PCDH9: variants seen among roughly 807,000 people sequenced by gnomAD.
PCDH9 encodes protocadherin 9.
PCDH9 carries 24 observed loss-of-function variants against 70.6 expected under a neutral mutation model. The observed-to-expected ratio is 0.34, with a 90% confidence interval of 0.25 to 0.48. The LOEUF (loss-of-function observed/expected upper bound fraction) is 0.48. Ranked by LOEUF, PCDH9 falls within the 20% of genes least tolerant of loss-of-function variation. The pLI is 0.99. For synonymous variants in PCDH9, 562 were observed against 558.5 expected, an observed-to-expected ratio of 1.01 and a Z score of -0.09; for missense variants, 1,281 against 1,503.6, an observed-to-expected ratio of 0.85 and a Z score of 2.45.
chr13:66,893,639 T>A (rs1240519709), intron 3 of PCDH9, among the ~76,000 whole-genome samples: 2 of 152,166 alleles, frequency 1.3e-5, no homozygotes, highest in Non-Finnish European at 2.9e-5. Context: ...TGACTTACAA[T>A]AATCAACCTA....
intron 2 of PCDH9, among the ~76,000 whole-genome samples, chr13:66,950,484 T>C (rs550393817): frequency 1.3e-5 from 2 of 151,888 alleles, no homozygotes; most frequent in Non-Finnish European, 1.5e-5. Flanking sequence ...ATAAAAGATA[T>C]ATGTGTATGA....
chr13:67,106,608 G>C (rs1247942628), intron 2 of PCDH9, among the ~76,000 whole-genome samples: 2 of 152,206 alleles, frequency 1.3e-5, no homozygotes, highest in Admixed American at 6.5e-5. Context: ...AGGAGGTGAG[G>C]CCAGGGCTTT....
intron 4 of PCDH9, among the ~76,000 whole-genome samples, chr13:66,600,894 G>T (rs1490109880): frequency 6.9e-6 from 1 of 143,898 alleles, no homozygotes; most frequent in East Asian, 1.9e-4. Context: ...ACTCTAATTT[G>T]CTTGAGAACA....
chr13:66,311,789 G>A (rs1404820660), intron 4 of PCDH9, among the ~76,000 whole-genome samples: 1 of 152,078 alleles, frequency 6.6e-6, no homozygotes, highest in Non-Finnish European at 1.5e-5. Flanking sequence ...ATAAATAGAT[G>A]TTTAGTTATT....
intron 2 of PCDH9, among the ~76,000 whole-genome samples, chr13:67,113,692 C>T (rs1327396721): frequency 1.3e-5 from 2 of 152,150 alleles, no homozygotes; most frequent in African/African-American, 2.4e-5. Context: ...GGACTACAGG[C>T]GCCCGCCATC....
intron 3 of PCDH9, among the ~76,000 whole-genome samples, chr13:66,682,265 A>G (rs1233241049): frequency 2.0e-5 from 3 of 152,010 alleles, no homozygotes; most frequent in African/African-American, 7.2e-5. Context: ...CATCGCCATT[A>G]TAACACATAA....
intron 4 of PCDH9, among the ~76,000 whole-genome samples, chr13:66,458,734 G>A (rs1248002070): frequency 1.3e-5 from 2 of 152,030 alleles, no homozygotes; most frequent in African/African-American, 4.8e-5. Context: ...CATTCGAAGA[G>A]TCCAAGCTTG....
At chr13:67,075,548 T>C (rs2085861773) in intron 2 of PCDH9, among the ~76,000 whole-genome samples, 1 of 152,080 alleles carries the variant, frequency 6.6e-6, no homozygotes, top group African/African-American at 2.4e-5. Context: ...GGGTTTTTTT[T>C]CTTAATTATG....
chr13:66,603,410 T>C (rs2077185770), intron 4 of PCDH9, among the ~76,000 whole-genome samples: 1 of 152,040 alleles, frequency 6.6e-6, no homozygotes, highest in South Asian at 2.1e-4. Context: ...TTCTAAAATC[T>C]AAATATTTTT....
chr13:66,587,443 C>A (rs970053351), intron 4 of PCDH9, among the ~76,000 whole-genome samples: 2 of 152,012 alleles, frequency 1.3e-5, no homozygotes, highest in Admixed American at 1.3e-4. Flanking sequence ...ATCTTCTGAG[C>A]AATTATATAA....
At chr13:66,406,552 C>T (rs1490257152) in intron 4 of PCDH9, among the ~76,000 whole-genome samples, 1 of 152,126 alleles carries the variant, frequency 6.6e-6, no homozygotes, top group Non-Finnish European at 1.5e-5. Flanking sequence ...GTTATTTACC[C>T]TTGAGAAAAT....
intron 2 of PCDH9, among the ~76,000 whole-genome samples, chr13:67,012,544 A>G (rs988650419): frequency 1.3e-5 from 2 of 152,010 alleles, no homozygotes; most frequent in Admixed American, 6.6e-5. Context: ...CACTGATAAG[A>G]AAATTCTGAA....
intron 4 of PCDH9, 97 bp from the exon 5 acceptor site, chr13:66,305,125 T>C: frequency 9.0e-7 from 1 of 1,115,764 alleles, no homozygotes; most frequent in Non-Finnish European, 1.2e-6. Context: ...GTGATCTTAT[T>C]TTTTCATAAA....
chr13:67,152,105 A>C (rs1446854271), intron 2 of PCDH9, among the ~76,000 whole-genome samples: 1 of 152,146 alleles, frequency 6.6e-6, no homozygotes, highest in East Asian at 1.9e-4. Flanking sequence ...TTTGTGTCCT[A>C]TTTGTTCCAA....
rs114595142 is a variant in PCDH9 at position 66,355,622 on chromosome 13, G to A, written c.3341-50594C>T. Reference sequence around the variant, plus strand: ...CAGCTTTGTTCAGGCATGAGCTATCGTACTGTTGGCCATTGAGTTTAATTT... The same window carrying A: ...CAGCTTTGTTCAGGCATGAGCTATCATACTGTTGGCCATTGAGTTTAATTT... On this transcript the variant is annotated intron_variant, in intron 4 of 4. Coordinates refer to ENST00000377865, the MANE Select transcript of PCDH9 (RefSeq NM_203487.3). Among the ~76,000 whole-genome samples, 1,071 of 152,146 alleles carry A rather than the reference G, an allele frequency of 7.0e-3. 10 individuals carry two copies. The highest frequency in any genetic ancestry group is 0.024 in the African/African-American group (1,015 of 41,536).
rs572533462 is a variant in PCDH9 at position 66,920,671 on chromosome 13, G to A, written c.3037-17066C>T. Among the ~76,000 whole-genome samples, 9 of 151,290 alleles carry A rather than the reference G, an allele frequency of 5.9e-5. No individual in the cohort carries two copies. The East Asian group carries it at 1.7e-3, about 29-fold the overall frequency. ...AACCCCAATCCTCAAGCCATGTAAT[G>A]TAAAATTATGCAGTTTTCTGCATTT... On this transcript the variant is annotated intron_variant, in intron 2 of 4. Transcript: ENST00000377865.
chr13:66,867,027 T>TG (rs2081588942), intron 3 of PCDH9, among the ~76,000 whole-genome samples: 1 of 151,926 alleles, frequency 6.6e-6, no homozygotes, highest in Non-Finnish European at 1.5e-5. Context: ...TTTTTTTTTT[T>TG]TTTTGGCATT....
At chr13:67,110,061 A>G (rs1283533121) in intron 2 of PCDH9, among the ~76,000 whole-genome samples, 1 of 152,194 alleles carries the variant, frequency 6.6e-6, no homozygotes, top group Non-Finnish European at 1.5e-5. Flanking sequence ...GGCTTTGCAC[A>G]TGCAAATGGA....
Position 66,708,884 on chromosome 13 carries a change from C to G in PCDH9, c.3139-77473G>C, listed in dbSNP as rs564515194. The stretch of plus-strand genomic sequence containing the variant: ...AGAGATCATTCATTCTGCCCCCAAC[C>G]AAATCTTCAGAGGTCTGGTTTAGGG... On this transcript the variant is annotated intron_variant, in intron 3 of 4. Coordinates refer to ENST00000377865, the MANE Select transcript of PCDH9 (RefSeq NM_203487.3). Among the ~76,000 whole-genome samples the G allele has an allele frequency of 1.7e-4, 26 of 152,298 alleles. No individual in the cohort carries two copies. In the East Asian group the frequency reaches 4.8e-3, roughly 28 times the overall value.
Sources: gnomAD v4.1 joint callset for allele counts (sites outside exome capture counted in the v4.1 genomes callset) on GRCh38, gnomAD v4.1.1 for gene constraint, MANE v1.5 for transcripts, NCBI Gene and HGNC (gene_info 2026-07-23, HGNC 2026-07-21) for gene names.